The following MDM1 variants were observed in gnomAD, a reference collection of about 807,000 sequenced individuals.
The protein encoded by MDM1 is Mdm1 nuclear protein.
Under a neutral mutation model 89.1 loss-of-function variants are expected in MDM1, and 61 were observed. That is an observed-to-expected ratio of 0.68 (90% confidence interval 0.56 to 0.85). The LOEUF is 0.85. Among genes scored for constraint, MDM1 ranks in the 40% least tolerant of loss-of-function variants. The pLI, the probability that MDM1 is intolerant of heterozygous loss-of-function variation, is 0.00. For synonymous variants in MDM1, 290 were observed against 294.1 expected (o/e 0.99, Z 0.14); for missense variants, 820 against 846.5 (o/e 0.97, Z 0.39).
At chr12:68,330,883 G>C in intron 2 of MDM1, 1 of 512,360 alleles carries the variant, frequency 2.0e-6, no homozygotes, top group Non-Finnish European at 3.5e-6. Flanking sequence ...GCCTCCATTA[G>C]TGAAACCTGG....
intron 12 of MDM1, among the ~76,000 whole-genome samples, chr12:68,307,191 G>C (rs1015378950): frequency 1.1e-4 from 17 of 152,164 alleles, no homozygotes; most frequent in Admixed American, 9.8e-4. Flanking sequence ...ACTACAAAAG[G>C]GGGAGAAGAG....
At chr12:68,326,214 A>G (rs1429819114) in intron 3 of MDM1, 1 of 1,094,564 alleles carries the variant, frequency 9.1e-7, no homozygotes, top group Non-Finnish European at 1.1e-6. Flanking sequence ...TCTCTGAGAG[A>G]CAGCCAGAGC....
chr12:68,306,026 G>C (rs898589497), intron 12 of MDM1, among the ~76,000 whole-genome samples: 4 of 148,616 alleles, frequency 2.7e-5, no homozygotes, highest in Non-Finnish European at 5.9e-5. Flanking sequence ...TTACTATAAA[G>C]TTACAGCAAC....
intron 5 of MDM1, among the ~76,000 whole-genome samples, chr12:68,322,371 A>T (rs7967333): frequency 6.6e-6 from 1 of 152,242 alleles, no homozygotes; most frequent in Admixed American, 6.5e-5. Flanking sequence ...GGTGGCTCAC[A>T]CCTGTAATCC....
At chr12:68,310,082 T>C (rs2120907381) in intron 12 of MDM1, among the ~76,000 whole-genome samples, 1 of 152,350 alleles carries the variant, frequency 6.6e-6, no homozygotes, top group South Asian at 2.1e-4. Context: ...GTGATTCTTG[T>C]GCCTCAATCT....
At chr12:68,321,673 C>T (rs1031193287) in intron 5 of MDM1, 45 bp from the exon 6 acceptor site, 1 of 1,263,078 alleles carries the variant, frequency 7.9e-7, no homozygotes, top group Non-Finnish European at 1.1e-6. Context: ...AGATGTTACA[C>T]ATTAAAGTGA....
chr12:68,322,031 TTC>T (rs1460067971), intron 5 of MDM1, among the ~76,000 whole-genome samples: 6 of 152,212 alleles, frequency 3.9e-5, no homozygotes, highest in Non-Finnish European at 7.3e-5. Context: ...TGAATAACAA[TTC>T]TTTTTTTCTC....
In MDM1 at chr12:68,315,207, CT is replaced by C. The variant is rs1874315332; in HGVS notation, c.1269del (p.Gly424GlufsTer84). On this transcript the variant is annotated frameshift_variant, in exon 10 of 15. Coordinates refer to ENST00000682720, the MANE Select transcript of MDM1 (RefSeq NM_001354969.2). LOFTEE classifies it high-confidence loss of function. ...TGGGGCTGTTCTTCCACGATATTTC[CT>C]TTTTCTTCTGGTTCTGTAGAAGGAC... ...QKCPSTEPEEKGNIVEEQPQK... is the reference protein window; with the variant it reads ...QKCPSTEPEEXGNIVEEQPQK... The C allele has an allele frequency of 1.9e-6, 3 of 1,614,086 alleles. No homozygotes were observed. Among genetic ancestry groups the C allele is most frequent in the Admixed American group, 1.7e-5 (1 of 60,002 alleles).
At chr12:68,316,511 C>T in intron 8 of MDM1, 70 bp downstream of exon 8, 1 of 1,331,866 alleles carries the variant, frequency 7.5e-7, no homozygotes, top group Non-Finnish European at 1.0e-6. Flanking sequence ...TTGACACCTA[C>T]TTTTTATTCC....
intron 1 of MDM1, chr12:68,331,922 C>T (rs2077499543): frequency 4.5e-6 from 3 of 665,206 alleles, no homozygotes; most frequent in African/African-American, 1.8e-5. Context: ...AATCTGAAGT[C>T]GCCTTTAGTT....
rs35426557 is a variant in MDM1 at position 68,302,881 on chromosome 12, CAAA to C, written c.1750-12_1750-10del. ...ACAGCACGACTTTCTTTCTAAATGA[CAAA>C]AAAAAAAAAAAAAAAAAGATGCCTA... is the stretch of plus-strand genomic sequence containing the variant. On this transcript the variant is annotated splice_polypyrimidine_tract_variant and intron_variant, in intron 12 of 14. Coordinates refer to ENST00000682720, the MANE Select transcript of MDM1 (RefSeq NM_001354969.2). 18,490 of 1,085,564 alleles carry C rather than the reference CAAA, an allele frequency of 0.017. No homozygotes were observed. Among genetic ancestry groups the C allele is most frequent in the Middle Eastern group, 0.03 (94 of 3,126 alleles). The allele number at this position is 1,085,564 out of a possible 1,614,324, so 67.2% of individuals were successfully genotyped here. A position where few individuals can be genotyped will look rare whatever the true frequency, so the allele number is the denominator to read the frequency against.
At chr12:68,299,624 C>A (rs980500833) in intron 13 of MDM1, among the ~76,000 whole-genome samples, 2 of 151,864 alleles carry the variant, frequency 1.3e-5, no homozygotes, top group African/African-American at 4.8e-5. Flanking sequence ...TTAACCCAAT[C>A]AAACAAAAAT....
chr12:68,321,653 T>C (rs1565781432), intron 5 of MDM1, 25 bp from the exon 6 acceptor site: 7 of 1,473,080 alleles, frequency 4.8e-6, no homozygotes, highest in Non-Finnish European at 6.6e-6. Context: ...ATTTAAGCTT[T>C]TTATGCTTAA....
Position 68,295,199 on chromosome 12 carries a change from G to T in MDM1, c.*55C>A. The T allele has an allele frequency of 8.7e-7, 1 of 1,152,734 alleles. No individual in the cohort carries two copies. The highest frequency in any genetic ancestry group is 1.3e-6 in the Non-Finnish European group (1 of 793,364). The allele number at this position is 1,152,734 out of a possible 1,614,324, so 71.4% of individuals were successfully genotyped here. A position where few individuals can be genotyped will look rare whatever the true frequency, so the allele number is the denominator to read the frequency against. On this transcript the variant is annotated 3_prime_UTR_variant, in exon 15 of 15. Coordinates refer to ENST00000682720, the MANE Select transcript of MDM1 (RefSeq NM_001354969.2). ...CACTCAAAAAATTTTAACACAGTAAGCAATAAAGAAAAATTATGCCAATGT... is the reference window on the plus strand; with the variant it reads ...CACTCAAAAAATTTTAACACAGTAATCAATAAAGAAAAATTATGCCAATGT...
chr12:68,324,619 G>A (rs76775140), intron 4 of MDM1, among the ~76,000 whole-genome samples: 24,641 of 152,080 alleles, frequency 0.16, 2,629 homozygotes, highest in Admixed American at 0.25. Context: ...AAATATACAA[G>A]TGAATGTTGA....
chr12:68,329,776 G>A (rs997765849), intron 2 of MDM1, among the ~76,000 whole-genome samples: 12 of 152,262 alleles, frequency 7.9e-5, no homozygotes, highest in African/African-American at 2.4e-4. Context: ...GTATAATGAG[G>A]TCAGTCTGTC....
intron 12 of MDM1, 151 bp from the exon 13 acceptor site, chr12:68,303,023 A>G: frequency 1.5e-6 from 1 of 688,194 alleles, no homozygotes; most frequent in Non-Finnish European, 2.2e-6. Context: ...AAGATATGAT[A>G]TAGACAAACA....
chr12:68,323,564 A>AT (rs969125864), intron 4 of MDM1, among the ~76,000 whole-genome samples: 2 of 151,872 alleles, frequency 1.3e-5, no homozygotes, highest in Admixed American at 1.3e-4. Context: ...CCCTGACATG[A>AT]TTTTTTTTCT....
At chr12:68,300,181 AAGT>A (rs1478349083) in intron 13 of MDM1, among the ~76,000 whole-genome samples, 3 of 152,206 alleles carry the variant, frequency 2.0e-5, no homozygotes, top group African/African-American at 7.2e-5. Flanking sequence ...AAGAAATGCT[AAGT>A]AGGAGTTCTA....
Sources: gnomAD v4.1 joint callset for allele counts (sites outside exome capture counted in the v4.1 genomes callset) on GRCh38, gnomAD v4.1.1 for gene constraint, MANE v1.5 for transcripts, NCBI Gene and HGNC (gene_info 2026-07-23, HGNC 2026-07-21) for gene names.